The following NRG1 variants were observed in gnomAD, a reference collection of about 807,000 sequenced individuals.
NRG1 encodes neuregulin 1.
Under a neutral mutation model 63.8 loss-of-function variants are expected in NRG1, and 18 were observed. The observed-to-expected ratio is 0.28, with a 90% CI of 0.19 to 0.42. The LOEUF (loss-of-function observed/expected upper bound fraction) is 0.42. Ranked by LOEUF, NRG1 falls within the 10% of genes least tolerant of loss-of-function variation. NRG1 has a pLI of 1.00. For missense variants in NRG1, 762 were observed against 814.7 expected, an observed-to-expected ratio of 0.94 and a Z score of 0.79; for synonymous variants, 302 against 301.3, an observed-to-expected ratio of 1.00 and a Z score of -0.02.
intron 1 of NRG1, among the ~76,000 whole-genome samples, chr8:32,015,850 G>GTTT (rs752417195): frequency 7.2e-6 from 1 of 137,994 alleles, no homozygotes; most frequent in Non-Finnish European, 1.6e-5. Context: ...GTTTTCTCTT[G>GTTT]TTTGTTTTTT....
At chr8:31,708,143 C>A (rs935569126) in intron 1 of NRG1, among the ~76,000 whole-genome samples, 41 of 152,118 alleles carry the variant, frequency 2.7e-4, no homozygotes, top group Admixed American at 1.9e-3. Flanking sequence ...TTCTCAGCCC[C>A]GCTTGTATTT....
At chr8:32,630,711 T>C (rs1348400274) in intron 5 of NRG1, among the ~76,000 whole-genome samples, 1 of 151,598 alleles carries the variant, frequency 6.6e-6, no homozygotes, top group Non-Finnish European at 1.5e-5. Flanking sequence ...TCAATTGACT[T>C]ATTTTGTCAG....
chr8:32,577,267 G>T (rs1441396893), intron 1 of NRG1, among the ~76,000 whole-genome samples: 1 of 152,120 alleles, frequency 6.6e-6, no homozygotes, highest in Non-Finnish European at 1.5e-5. Context: ...CATATTGTTA[G>T]GCTTTTCTCT....
chr8:32,101,070 G>A (rs1201662045), intron 1 of NRG1, among the ~76,000 whole-genome samples: 1 of 151,952 alleles, frequency 6.6e-6, no homozygotes, highest in East Asian at 1.9e-4. Context: ...TCTCATTTCT[G>A]ACTATTAAAT....
intron 11 of NRG1, among the ~76,000 whole-genome samples, chr8:32,762,623 G>A (rs937901781): frequency 2.6e-5 from 4 of 152,110 alleles, no homozygotes; most frequent in Non-Finnish European, 4.4e-5. Flanking sequence ...AGGTTCATAC[G>A]TTTTCCGTTC....
chr8:32,659,130 T>C (rs1273935349), intron 5 of NRG1, among the ~76,000 whole-genome samples: 2 of 119,686 alleles, frequency 1.7e-5, no homozygotes, highest in African/African-American at 3.4e-5. Context: ...CAGTAATAAA[T>C]CTTTTCTTTT....
chr8:32,624,123 C>T (rs1387251204), intron 5 of NRG1, among the ~76,000 whole-genome samples: 1 of 152,186 alleles, frequency 6.6e-6, no homozygotes, highest in African/African-American at 2.4e-5. Context: ...GTTCAGAAAT[C>T]TGTGACTTGT....
chr8:32,627,588 G>A (rs933368260), intron 5 of NRG1, among the ~76,000 whole-genome samples: 4 of 152,264 alleles, frequency 2.6e-5, no homozygotes, highest in South Asian at 4.1e-4. Flanking sequence ...GATTATAGAC[G>A]TGAGCCACCA....
chr8:32,127,966 TCTC>T (rs1036287355), intron 1 of NRG1, among the ~76,000 whole-genome samples: 5 of 151,896 alleles, frequency 3.3e-5, no homozygotes, highest in African/African-American at 9.6e-5. Flanking sequence ...CTTCTCCTCT[TCTC>T]CTCCCCCAGC....
intron 1 of NRG1, among the ~76,000 whole-genome samples, chr8:31,816,027 G>C (rs968254485): frequency 1.4e-4 from 22 of 152,120 alleles, no homozygotes; most frequent in Admixed American, 1.3e-3. Flanking sequence ...TTTTGTTGTT[G>C]AATTTTAGGA....
chr8:31,951,766 T>C (rs542021630), intron 1 of NRG1, among the ~76,000 whole-genome samples: 5 of 152,192 alleles, frequency 3.3e-5, no homozygotes, highest in Non-Finnish European at 7.3e-5. Flanking sequence ...AGTTCCCTTC[T>C]TCAAACATAG....
chr8:32,109,870 A>G (rs1364019023), intron 1 of NRG1, among the ~76,000 whole-genome samples: 1 of 152,188 alleles, frequency 6.6e-6, no homozygotes, highest in African/African-American at 2.4e-5. Flanking sequence ...TTGCAGTCTC[A>G]GCCTCTAGGT....
chr8:32,466,652 G>T (rs1177126716), intron 1 of NRG1, among the ~76,000 whole-genome samples: 2 of 152,114 alleles, frequency 1.3e-5, no homozygotes, highest in African/African-American at 4.8e-5. Flanking sequence ...CCTCATATCA[G>T]GAATGTGCTA....
At chr8:32,764,823 T>C (rs941121258) in exon 12 of NRG1, 5 of 156,916 alleles carry the variant, frequency 3.2e-5, no homozygotes, top group Admixed American at 1.8e-4. Flanking sequence ...TGTCTTGTAA[T>C]GGCACATCCA....
intron 1 of NRG1, among the ~76,000 whole-genome samples, chr8:32,132,664 G>A (rs1158610325): frequency 6.6e-6 from 1 of 152,064 alleles, no homozygotes; most frequent in African/African-American, 2.4e-5. Flanking sequence ...GTTTGTGTGT[G>A]AATGCATGGA....
intron 1 of NRG1, among the ~76,000 whole-genome samples, chr8:31,978,903 G>T (rs188053204): frequency 3.3e-5 from 5 of 152,206 alleles, no homozygotes; most frequent in Non-Finnish European, 7.4e-5. Context: ...TTTTTCACAG[G>T]TTTCACATTG....
chr8:31,791,205 C>CAAAAAAAAAAAAA (rs35966484), intron 1 of NRG1, among the ~76,000 whole-genome samples: 1 of 98,702 alleles, frequency 1.0e-5, no homozygotes, highest in Non-Finnish European at 2.2e-5. Context: ...GAAACTGTGC[C>CAAAAAAAAAAAAA]AAAAAAAAAA....
At chr8:32,732,127 G>C (rs1206837384) in intron 6 of NRG1, among the ~76,000 whole-genome samples, 2 of 152,186 alleles carry the variant, frequency 1.3e-5, no homozygotes, top group Non-Finnish European at 2.9e-5. Context: ...CCTGGGGACT[G>C]TGTGGGAATT....
intron 1 of NRG1, among the ~76,000 whole-genome samples, chr8:32,059,009 A>G (rs937712719): frequency 6.6e-6 from 1 of 152,096 alleles, no homozygotes; most frequent in African/African-American, 2.4e-5. Context: ...CAGTATTAAC[A>G]TTATTATGGC....
Sources: allele counts gnomAD v4.1 joint callset (sites outside exome capture counted in the v4.1 genomes callset), GRCh38; gene constraint gnomAD v4.1.1; transcripts MANE v1.5; gene names NCBI Gene and HGNC (gene_info 2026-07-23, HGNC 2026-07-21).